The following SLCO5A1 variants were observed in gnomAD, a reference collection of about 807,000 sequenced individuals.
The protein encoded by SLCO5A1 is solute carrier organic anion transporter family member 5A1, also known as organic anion transporter polypeptide-related protein 4.
A neutral mutation model predicts 65.1 loss-of-function variants in SLCO5A1; 39 were observed. The observed-to-expected ratio is 0.60, with a 90% CI of 0.46 to 0.78. The LOEUF (loss-of-function observed/expected upper bound fraction) is 0.78, where lower values mean the gene tolerates loss of function less well. Ranked by LOEUF, SLCO5A1 falls within the 30% of genes least tolerant of loss-of-function variation. SLCO5A1 has a pLI of 0.00. For synonymous variants in SLCO5A1, 438 were observed against 415.7 expected, an observed-to-expected ratio of 1.05 and a Z score of -0.65; for missense variants, 1,029 against 1,069.4, an observed-to-expected ratio of 0.96 and a Z score of 0.53.
At chr8:69,813,420 G>A (rs1820287453) in intron 2 of SLCO5A1, among the ~76,000 whole-genome samples, 1 of 152,120 alleles carries the variant, frequency 6.6e-6, no homozygotes, top group Non-Finnish European at 1.5e-5. Flanking sequence ...TTATTTTTAA[G>A]CAGGGGTAAC....
At chr8:69,830,932 G>A (rs1006071102) in intron 2 of SLCO5A1, among the ~76,000 whole-genome samples, 2 of 152,190 alleles carry the variant, frequency 1.3e-5, no homozygotes, top group African/African-American at 4.8e-5. Flanking sequence ...TCTTCATAAA[G>A]GTAAGCCAGT....
In SLCO5A1 at chr8:69,690,892, A is replaced by G. The variant is rs545332082; in HGVS notation, c.1623-8549T>C. ...ATAATAGATTTTGCTTTAAGTTCAA[A>G]AAGATGACAATTGATAAATGAAAGA... On this transcript the variant is annotated intron_variant, in intron 6 of 9. Transcript: ENST00000260126. Among the ~76,000 whole-genome samples, 12 of 152,336 alleles carry G rather than the reference A, an allele frequency of 7.9e-5. No homozygotes were observed. The East Asian group carries it at 2.3e-3, about 29-fold the overall frequency.
At chr8:69,830,384 G>A (rs940352224) in intron 2 of SLCO5A1, among the ~76,000 whole-genome samples, 2 of 151,962 alleles carry the variant, frequency 1.3e-5, no homozygotes, top group Non-Finnish European at 2.9e-5. Flanking sequence ...TAAGAGATGG[G>A]GTCTCACTAT....
chr8:69,721,720 C>T (rs1350457726), intron 5 of SLCO5A1, among the ~76,000 whole-genome samples: 1 of 152,192 alleles, frequency 6.6e-6, no homozygotes, highest in Non-Finnish European at 1.5e-5. Flanking sequence ...AGGATCATTT[C>T]TTTCAAATCC....
chr8:69,742,114 C>T (rs944144096), intron 4 of SLCO5A1, among the ~76,000 whole-genome samples: 1 of 152,058 alleles, frequency 6.6e-6, no homozygotes, highest in Non-Finnish European at 1.5e-5. Context: ...AGTACCACAC[C>T]CTCAATTTCT....
At chr8:69,792,380 C>G (rs1003156978) in intron 2 of SLCO5A1, among the ~76,000 whole-genome samples, 2 of 151,956 alleles carry the variant, frequency 1.3e-5, no homozygotes, top group Admixed American at 1.3e-4. Context: ...AGGAAAAGAC[C>G]GTAAATAAGG....
At chr8:69,697,664 A>T (rs1814554954) in intron 6 of SLCO5A1, among the ~76,000 whole-genome samples, 1 of 152,056 alleles carries the variant, frequency 6.6e-6, no homozygotes, top group Admixed American at 6.5e-5. Context: ...AGGGTAAATC[A>T]TTCCTTAAGA....
chr8:69,715,617 A>G lies in SLCO5A1; in HGVS notation c.1424-10388T>C, dbSNP rs530011234. On this transcript the variant is annotated intron_variant, in intron 5 of 9. Coordinates refer to ENST00000260126, the MANE Select transcript of SLCO5A1 (RefSeq NM_030958.3). ...CAGATTTTTCAAACTCTGTATATGG[A>G]AAAAAAATTGAGACAAAAGTCTGCA... Among the ~76,000 whole-genome samples, 10 of 152,226 alleles carry G rather than the reference A, an allele frequency of 6.6e-5. No individual in the cohort carries two copies. The East Asian group carries it at 7.7e-4, about 12-fold the overall frequency.
At chr8:69,810,585 T>C (rs1201768811) in intron 2 of SLCO5A1, among the ~76,000 whole-genome samples, 1 of 152,184 alleles carries the variant, frequency 6.6e-6, no homozygotes, top group Non-Finnish European at 1.5e-5. Flanking sequence ...CTTTCAACTT[T>C]TCAGGCAAAA....
Position 69,720,701 on chromosome 8 carries a change from TTTTA to T in SLCO5A1, c.1424-15476_1424-15473del, listed in dbSNP as rs1275174461. On this transcript the variant is annotated intron_variant, in intron 5 of 9. Coordinates refer to ENST00000260126, the MANE Select transcript of SLCO5A1 (RefSeq NM_030958.3). ...CCTCATGAAATAAAGTGTTTGGGCT[TTTTA>T]TTTGTTTGTGTGTTATCACAAAATC... 7.9e-5 allele frequency among the ~76,000 whole-genome samples: 12 copies of T among 152,368 alleles called. No individual in the cohort carries two copies. In the South Asian group the frequency reaches 2.1e-3, roughly 26 times the overall value.
chr8:69,754,792 C>T (rs559978727), intron 4 of SLCO5A1, among the ~76,000 whole-genome samples: 2 of 152,086 alleles, frequency 1.3e-5, no homozygotes, highest in African/African-American at 4.8e-5. Context: ...AAAAAATAAA[C>T]CATATATCAC....
At chr8:69,707,014 G>A (rs555288736) in intron 5 of SLCO5A1, among the ~76,000 whole-genome samples, 89 of 152,142 alleles carry the variant, frequency 5.8e-4, no homozygotes, top group African/African-American at 2.1e-3. Context: ...TAGGGGTGGT[G>A]GCGTGCGCCT....
chr8:69,783,176 C>A (rs181985408), intron 2 of SLCO5A1, among the ~76,000 whole-genome samples: 230 of 152,022 alleles, frequency 1.5e-3, no homozygotes, highest in Non-Finnish European at 2.7e-3. Context: ...TATTCTGAGA[C>A]CTTGCCAGAC....
chr8:69,814,975 G>A (rs1299746774), intron 2 of SLCO5A1, among the ~76,000 whole-genome samples: 2 of 152,156 alleles, frequency 1.3e-5, no homozygotes, highest in African/African-American at 4.8e-5. Flanking sequence ...CAAACTCATA[G>A]AAGCAGAGAG....
In SLCO5A1 at chr8:69,832,023, G is replaced by T. The variant is rs755822655; in HGVS notation, c.651C>A (p.Phe217Leu). 6.2e-7 allele frequency: 1 copy of T among 1,606,438 alleles called. No individual in the cohort carries two copies. Among genetic ancestry groups the T allele is most frequent in the African/African-American group, 1.3e-5 (1 of 74,834 alleles). ...FGAALFALPH[F>L]ISPPYQIQEL... Reference sequence around the variant, plus strand: ...CTTGGATCTGGTAGGGGGGCGAGATGAAGTGAGGTAAGGCGAAGAGGGCTG... The same window carrying T: ...CTTGGATCTGGTAGGGGGGCGAGATTAAGTGAGGTAAGGCGAAGAGGGCTG... The change falls in exon 2 of 10, where the codon TTC becomes TTA. Residue 217 changes from phenylalanine (F) to leucine (L), a missense_variant. By Grantham distance (22) the Phe-to-Leu change is conservative. This residue lies in a region of SLCO5A1 where 647 missense variants were observed against 647.5 expected (regional missense o/e 1.00). Coordinates refer to ENST00000260126, the MANE Select transcript of SLCO5A1 (RefSeq NM_030958.3). The surrounding 1 kb of genome is among the most constrained non-coding windows in gnomAD (Gnocchi z 4.5).
Position 69,832,761 on chromosome 8 carries a change from C to G in SLCO5A1, c.-88G>C, listed in dbSNP as rs986464337. 1.4e-6 allele frequency: 2 copies of G among 1,460,104 alleles called. No individual in the cohort carries two copies. Among genetic ancestry groups the G allele is most frequent in the South Asian group, 2.7e-5 (2 of 74,222 alleles). 90.4% of individuals were successfully genotyped at this position (1,460,104 alleles called of 1,614,324 possible). On this transcript the variant is annotated 5_prime_UTR_variant, in exon 2 of 10. Coordinates refer to ENST00000260126, the MANE Select transcript of SLCO5A1 (RefSeq NM_030958.3). This position sits in a 1 kb window ranked among gnomAD's most constrained non-coding sequence, Gnocchi z 4.5. ...CGGCACGAGGGGCCGAAGCCGGGCC[C>G]AGTCAGTCTTGCCCACCTGGGACTG...
At chr8:69,784,811 A>AAGAAAAAGAAAGAAAG (rs1554620797) in intron 2 of SLCO5A1, among the ~76,000 whole-genome samples, 2 of 70,930 alleles carry the variant, frequency 2.8e-5, no homozygotes, top group African/African-American at 1.6e-4. Context: ...GAAAGAAAGA[A>AAGAAAAAGAAAGAAAG]AAAGAAAGAA....
intron 5 of SLCO5A1, among the ~76,000 whole-genome samples, chr8:69,737,383 C>T (rs1816605305): frequency 6.6e-6 from 1 of 152,110 alleles, no homozygotes; most frequent in Non-Finnish European, 1.5e-5. Flanking sequence ...TTTGATATCA[C>T]TAAGAAAATA....
At chr8:69,794,326 A>G in intron 2 of SLCO5A1, 1 of 449,188 alleles carries the variant, frequency 2.2e-6, no homozygotes, top group African/African-American at 2.0e-5. Flanking sequence ...GTCACAGGGC[A>G]GCCAGGACTG....
Sources: gnomAD v4.1 joint callset for allele counts (sites outside exome capture counted in the v4.1 genomes callset) on GRCh38, gnomAD v4.1.1 for gene constraint, gnomAD v4.1.1 regional missense constraint, Gnocchi (gnomAD v3.1) non-coding constraint, MANE v1.5 for transcripts, NCBI Gene and HGNC (gene_info 2026-07-23, HGNC 2026-07-21) for gene names.